Variants in PRLR observed in about 807,000 individuals in gnomAD.
PRLR encodes prolactin receptor.
A neutral mutation model predicts 40.2 loss-of-function variants in PRLR; 13 were observed. The ratio of observed to expected loss-of-function variants is 0.32; its 90% confidence interval spans 0.21 to 0.51. The LOEUF (loss-of-function observed/expected upper bound fraction) is 0.51. PRLR is among the 20% of genes least tolerant of loss of function. The pLI, the probability that PRLR is intolerant of heterozygous loss-of-function variation, is 0.97. For missense variants in PRLR, 656 were observed against 747.3 expected, an observed-to-expected ratio of 0.88 and a Z score of 1.42; for synonymous variants, 269 against 278.7, an observed-to-expected ratio of 0.97 and a Z score of 0.35.
intron 5 of PRLR, among the ~76,000 whole-genome samples, chr5:35,073,434 C>T (rs1049845088): frequency 1.3e-5 from 2 of 152,158 alleles, no homozygotes; most frequent in Non-Finnish European, 1.5e-5. Flanking sequence ...TAATGTTTCT[C>T]GAGTATTTAC....
intron 1 of PRLR, among the ~76,000 whole-genome samples, chr5:35,183,709 C>G (rs1198629424): frequency 6.6e-6 from 1 of 152,112 alleles, no homozygotes; most frequent in Non-Finnish European, 1.5e-5. Context: ...AAATCTGGTC[C>G]TGTTAGATCA....
In PRLR at chr5:35,122,689, T is replaced by C. The variant is rs576458855; in HGVS notation, c.-105-4567A>G. On this transcript the variant is annotated intron_variant, in intron 1 of 9. Transcript: ENST00000618457. ...TTTCTGGCAATTGATAGAGATTACA[T>C]ATGGCAATTTATAGACATGCATGTG... Among the ~76,000 whole-genome samples the C allele has an allele frequency of 9.2e-5, 14 of 152,342 alleles. No homozygotes were observed. The South Asian group carries it at 2.9e-3, about 32-fold the overall frequency.
chr5:35,092,515 C>A (rs993750081), intron 2 of PRLR, among the ~76,000 whole-genome samples: 2 of 151,264 alleles, frequency 1.3e-5, no homozygotes, highest in Non-Finnish European at 3.0e-5. Flanking sequence ...CTTTTTTTTT[C>A]TTTTTATGGC....
chr5:35,113,397 C>T (rs1050544589), intron 2 of PRLR, among the ~76,000 whole-genome samples: 3 of 148,366 alleles, frequency 2.0e-5, no homozygotes, highest in African/African-American at 7.5e-5. Context: ...ATCCATCCAT[C>T]CATCCATCCA....
chr5:35,168,309 T>A (rs1774901676), intron 1 of PRLR, among the ~76,000 whole-genome samples: 1 of 151,854 alleles, frequency 6.6e-6, no homozygotes, highest in South Asian at 2.1e-4. Context: ...AAATAAAAAA[T>A]TAGTAAGGGC....
intron 1 of PRLR, among the ~76,000 whole-genome samples, chr5:35,202,226 T>C (rs1775901366): frequency 6.6e-6 from 1 of 152,172 alleles, no homozygotes; most frequent in Non-Finnish European, 1.5e-5. Flanking sequence ...TGGTGTCCAC[T>C]AGCATTTGGA....
At chr5:35,092,597 T>G (rs577548121) in intron 2 of PRLR, among the ~76,000 whole-genome samples, 57 of 152,328 alleles carry the variant, frequency 3.7e-4, no homozygotes, top group East Asian at 2.1e-3. Flanking sequence ...ACTCAAGATC[T>G]TGATCGAGGG....
chr5:35,161,393 C>T (rs1774669457), intron 1 of PRLR, among the ~76,000 whole-genome samples: 1 of 152,182 alleles, frequency 6.6e-6, no homozygotes, highest in African/African-American at 2.4e-5. Flanking sequence ...GTTGGGAGCA[C>T]ATTCATCATG....
In PRLR at chr5:35,061,754, G is replaced by A. The variant is rs991529243; in HGVS notation, c.*3335C>T. ...TGCGCCTTAAAACTTGAATATTTAGGTATTTGTTTATAAAAATACAACTTA... is the reference window on the plus strand; with the variant it reads ...TGCGCCTTAAAACTTGAATATTTAGATATTTGTTTATAAAAATACAACTTA... On this transcript the variant is annotated 3_prime_UTR_variant, in exon 10 of 10. Coordinates refer to ENST00000618457, the MANE Select transcript of PRLR (RefSeq NM_000949.7). The A allele has an allele frequency of 6.6e-6, 1 of 151,968 alleles. No homozygotes were observed. Among genetic ancestry groups the A allele is most frequent in the Non-Finnish European group, 1.5e-5 (1 of 68,006 alleles). 9.4% of individuals were successfully genotyped at this position (151,968 alleles called of 1,614,324 possible).
At chr5:35,224,683 A>C (rs1387079136) in intron 1 of PRLR, among the ~76,000 whole-genome samples, 1 of 151,482 alleles carries the variant, frequency 6.6e-6, no homozygotes, top group East Asian at 1.9e-4. Context: ...GCATTATCTC[A>C]TCAACACCAA....
At chr5:35,111,794 T>C (rs1772675582) in intron 2 of PRLR, among the ~76,000 whole-genome samples, 1 of 152,240 alleles carries the variant, frequency 6.6e-6, no homozygotes, top group East Asian at 1.9e-4. Context: ...CCCAATCTAA[T>C]ATACATATCT....
At chr5:35,196,577 G>C (rs991521048) in intron 1 of PRLR, among the ~76,000 whole-genome samples, 2 of 152,206 alleles carry the variant, frequency 1.3e-5, no homozygotes, top group Non-Finnish European at 2.9e-5. Flanking sequence ...AGCAGGACAA[G>C]AAAGTTAGCT....
chr5:35,103,664 G>T (rs1234004856), intron 2 of PRLR, among the ~76,000 whole-genome samples: 1 of 152,182 alleles, frequency 6.6e-6, no homozygotes, highest in African/African-American at 2.4e-5. Context: ...ACCCATGATG[G>T]TTTTTCATCC....
At chr5:35,098,838 C>A (rs1222381123) in intron 2 of PRLR, among the ~76,000 whole-genome samples, 1 of 152,024 alleles carries the variant, frequency 6.6e-6, no homozygotes, top group Non-Finnish European at 1.5e-5. Flanking sequence ...CTTTAAGGGG[C>A]CCAAAGACTT....
At chr5:35,099,354 C>A (rs917526521) in intron 2 of PRLR, among the ~76,000 whole-genome samples, 1 of 152,146 alleles carries the variant, frequency 6.6e-6, no homozygotes, top group Non-Finnish European at 1.5e-5. Flanking sequence ...AACATCGTAA[C>A]GTAATGCTTT....
intron 2 of PRLR, among the ~76,000 whole-genome samples, chr5:35,093,591 A>G (rs928987459): frequency 3.3e-5 from 5 of 152,190 alleles, no homozygotes; most frequent in Admixed American, 1.3e-4. Context: ...GGACCCTGCC[A>G]TCCCTGTTAG....
At chr5:35,099,520 A>G (rs1452305344) in intron 2 of PRLR, among the ~76,000 whole-genome samples, 4 of 152,188 alleles carry the variant, frequency 2.6e-5, no homozygotes, top group Non-Finnish European at 5.9e-5. Flanking sequence ...TTGTTATTTT[A>G]CAGTGTACTC....
intron 1 of PRLR, among the ~76,000 whole-genome samples, chr5:35,204,647 A>T (rs1370185946): frequency 6.6e-6 from 1 of 152,174 alleles, no homozygotes. Flanking sequence ...ATTTGTGAGA[A>T]TCAAAAGATT....
At chr5:35,066,762 T>C (rs986681943) in intron 9 of PRLR, among the ~76,000 whole-genome samples, 8 of 72,304 alleles carry the variant, frequency 1.1e-4, no homozygotes, top group Non-Finnish European at 1.9e-4. Flanking sequence ...CTCTTGCCTC[T>C]TTTTTTTTTT....
Sources: allele counts gnomAD v4.1 joint callset (sites outside exome capture counted in the v4.1 genomes callset), GRCh38; gene constraint gnomAD v4.1.1; transcripts MANE v1.5; gene names NCBI Gene and HGNC (gene_info 2026-07-23, HGNC 2026-07-21).